Variants in KATNAL2 observed in about 807,000 individuals in gnomAD.
The protein encoded by KATNAL2 is katanin catalytic subunit A1 like 2, also known as katanin p60 ATPase-containing subunit A-like 2.
Under a neutral mutation model 76.3 loss-of-function variants are expected in KATNAL2, and 52 were observed. That is an observed-to-expected ratio of 0.68 (90% CI 0.55 to 0.86). The LOEUF (loss-of-function observed/expected upper bound fraction) is 0.86. KATNAL2 is among the 40% of genes least tolerant of loss of function. The pLI, the probability that KATNAL2 is intolerant of heterozygous loss-of-function variation, is 0.00. For synonymous variants in KATNAL2, 243 were observed against 244.2 expected (o/e 1.00, Z 0.05); for missense variants, 660 against 668.9 (o/e 0.99, Z 0.15).
At chr18:46,922,907 A>G (rs1946159188) in intron 1 of KATNAL2, among the ~76,000 whole-genome samples, 2 of 148,154 alleles carry the variant, frequency 1.3e-5, no homozygotes. Flanking sequence ...AATATAATAT[A>G]TATTTAATAT....
chr18:46,923,905 C>G (rs2058652091), intron 1 of KATNAL2, among the ~76,000 whole-genome samples: 1 of 152,146 alleles, frequency 6.6e-6, no homozygotes, highest in African/African-American at 2.4e-5. Context: ...ATCCTTTGCC[C>G]ACTTTTTGAT....
chr18:47,092,772 G>A (rs765499220), intron 15 of KATNAL2, among the ~76,000 whole-genome samples: 8 of 152,178 alleles, frequency 5.3e-5, no homozygotes, highest in South Asian at 4.1e-4. Flanking sequence ...CACTCTATGC[G>A]TCACAGCCTC....
chr18:47,087,348 C>T (rs1276623048), intron 15 of KATNAL2, among the ~76,000 whole-genome samples: 1 of 152,090 alleles, frequency 6.6e-6, no homozygotes, highest in Non-Finnish European at 1.5e-5. Context: ...TACATATATA[C>T]CATGGAATAC....
intron 1 of KATNAL2, chr18:46,920,101 C>T: frequency 7.8e-7 from 1 of 1,289,554 alleles, no homozygotes; most frequent in South Asian, 1.2e-5. Flanking sequence ...TCATTCTGCC[C>T]CTTCCTCAAT....
At chr18:47,088,578 A>C (rs895536997) in intron 15 of KATNAL2, among the ~76,000 whole-genome samples, 7 of 152,068 alleles carry the variant, frequency 4.6e-5, no homozygotes, top group African/African-American at 1.7e-4. Context: ...TAATTAATAA[A>C]TTTATTCATT....
At chr18:47,046,626 G>A in intron 4 of KATNAL2, 99 bp downstream of exon 4, 1 of 862,712 alleles carries the variant, frequency 1.2e-6, no homozygotes, top group Non-Finnish European at 1.8e-6. Context: ...TTCTTGTTTA[G>A]AGCAATTCTA....
intron 1 of KATNAL2, among the ~76,000 whole-genome samples, chr18:46,924,423 A>C (rs1038691048): frequency 1.3e-5 from 2 of 152,004 alleles, no homozygotes; most frequent in African/African-American, 2.4e-5. Flanking sequence ...CTGTTCTGTT[A>C]CATTGGTCTA....
chr18:47,084,648 A>G (rs1057337066), intron 15 of KATNAL2, among the ~76,000 whole-genome samples: 6 of 151,710 alleles, frequency 4.0e-5, no homozygotes, highest in Admixed American at 2.0e-4. Flanking sequence ...CAGGTGTTCA[A>G]GACCTGCCTG....
intron 3 of KATNAL2, among the ~76,000 whole-genome samples, chr18:46,956,794 G>A (rs1599457861): frequency 6.6e-6 from 1 of 152,144 alleles, no homozygotes; most frequent in East Asian, 1.9e-4. Flanking sequence ...TGTAATCCCA[G>A]CACTTTGGGA....
At chr18:47,034,504 C>A (rs2010834) in intron 3 of KATNAL2, 772,150 of 1,613,970 alleles carry the variant, frequency 0.48, 187,751 homozygotes, top group East Asian at 0.7. Context: ...GCAGGCCCCG[C>A]ATGATTTCTC....
intron 15 of KATNAL2, among the ~76,000 whole-genome samples, chr18:47,087,551 G>A (rs1446905869): frequency 6.6e-6 from 1 of 152,156 alleles, no homozygotes; most frequent in Non-Finnish European, 1.5e-5. Context: ...GCTTGAGGGT[G>A]GAGGGTGGGA....
intron 4 of KATNAL2, 55 bp from the exon 5 acceptor site, chr18:47,052,825 C>A: frequency 7.5e-7 from 1 of 1,334,410 alleles, no homozygotes; most frequent in Non-Finnish European, 1.0e-6. Flanking sequence ...TGCCTGTTAG[C>A]CATTATTCTT....
intron 3 of KATNAL2, chr18:47,032,959 T>A: frequency 6.2e-7 from 1 of 1,613,282 alleles, no homozygotes; most frequent in Non-Finnish European, 8.5e-7. Flanking sequence ...ACTTTGCCAA[T>A]GCAAAAATCC....
At chr18:47,037,992 GC>G (rs2060838139) in intron 3 of KATNAL2, among the ~76,000 whole-genome samples, 1 of 152,006 alleles carries the variant, frequency 6.6e-6, no homozygotes, top group Admixed American at 6.6e-5. Flanking sequence ...ACCATGAAAA[GC>G]CATTTTTGAT....
intron 3 of KATNAL2, among the ~76,000 whole-genome samples, chr18:46,955,633 C>T (rs2059723891): frequency 6.6e-6 from 1 of 152,158 alleles, no homozygotes; most frequent in Non-Finnish European, 1.5e-5. Flanking sequence ...CATCAAGGCT[C>T]ACTGCAGCCT....
chr18:46,943,017 A>G (rs1401201706), intron 1 of KATNAL2, among the ~76,000 whole-genome samples: 2 of 152,156 alleles, frequency 1.3e-5, no homozygotes, highest in South Asian at 2.1e-4. Flanking sequence ...GGTTTCGCCA[A>G]CAGGGTTTGG....
At chr18:47,092,899 A>C (rs1207713221) in intron 15 of KATNAL2, among the ~76,000 whole-genome samples, 1 of 152,176 alleles carries the variant, frequency 6.6e-6, no homozygotes, top group Non-Finnish European at 1.5e-5. Context: ...TAGGCCTCAC[A>C]TGTTGAAAAT....
chr18:46,918,916 CT>C (rs935253186), intron 1 of KATNAL2, among the ~76,000 whole-genome samples: 2 of 151,830 alleles, frequency 1.3e-5, no homozygotes, highest in African/African-American at 4.8e-5. Flanking sequence ...GGACCCTGAA[CT>C]TTTTCTTCCT....
chr18:46,920,136 G>T (rs1472266695), intron 1 of KATNAL2: 3 of 1,269,224 alleles, frequency 2.4e-6, no homozygotes, highest in Non-Finnish European at 3.1e-6. Context: ...GGATGGGTTG[G>T]GTAGGTTTGA....
Sources: gnomAD v4.1 joint callset for allele counts (sites outside exome capture counted in the v4.1 genomes callset) on GRCh38, gnomAD v4.1.1 for gene constraint, MANE v1.5 for transcripts, NCBI Gene and HGNC (gene_info 2026-07-23, HGNC 2026-07-21) for gene names.